The following TMEM131 variants were observed in gnomAD, a reference collection of about 807,000 sequenced individuals.
TMEM131 encodes 2610524E03Rik.
A neutral mutation model predicts 211.6 loss-of-function variants in TMEM131; 66 were observed. The ratio of observed to expected loss-of-function variants is 0.31; its 90% CI spans 0.26 to 0.38. The LOEUF (loss-of-function observed/expected upper bound fraction) is 0.38, where lower values mean the gene tolerates loss of function less well. Ranked by LOEUF, TMEM131 falls within the 10% of genes least tolerant of loss-of-function variation. The pLI is 1.00. For missense variants in TMEM131, 2,036 were observed against 2,299.3 expected (o/e 0.89, Z 2.34); for synonymous variants, 844 against 841.3 (o/e 1.00, Z -0.06).
chr2:97,760,815 C>A lies in TMEM131; in HGVS notation c.4989G>T (p.Thr1663=). ...KNGNPTFAAV[T]AGYDKSPGGN... ...GACCTGGGCTCTTGTCGTAGCCAGC[C>A]GTGACTGCAGCAAAAGTGGGGTTGC... Residue 1663 remains threonine (T), a synonymous_variant, in exon 37 of 41, where the codon ACG becomes ACT. Coordinates refer to ENST00000186436, the MANE Select transcript of TMEM131 (RefSeq NM_015348.2). 1 of 1,614,030 alleles carries A rather than the reference C, an allele frequency of 6.2e-7. No individual in the cohort carries two copies. The highest frequency in any genetic ancestry group is 1.7e-5 in the Admixed American group (1 of 60,026).
chr2:97,935,714 G>C (rs1333764574), intron 1 of TMEM131, among the ~76,000 whole-genome samples: 1 of 152,108 alleles, frequency 6.6e-6, no homozygotes, highest in Non-Finnish European at 1.5e-5. Flanking sequence ...AGGGACATTT[G>C]AAAATTCTAA....
Position 97,801,902 on chromosome 2 carries a change from C to T in TMEM131, c.2711G>A (p.Arg904Lys), listed in dbSNP as rs1184040760. The T allele has an allele frequency of 6.2e-7, 1 of 1,606,544 alleles. No individual in the cohort carries two copies. Among genetic ancestry groups the T allele is most frequent in the South Asian group, 1.1e-5 (1 of 89,898 alleles). Residue 904 changes from arginine (R) to lysine (K), a missense_variant, in exon 25 of 41, where the codon AGA (arginine) becomes AAA (lysine). Around this residue, in one of 3 missense-constraint regions of TMEM131, gnomAD observed 1,623 missense variants for 1,805.9 expected, o/e 0.90. Transcript: ENST00000186436. ...DLRTLEFQVF[R>K]NSAHPLQSST... ...TGAAGTTTGAATACTTACACTGTTT[C>T]TGAAGACTTGAAATTCTAGTGTTCT...
intron 4 of TMEM131, among the ~76,000 whole-genome samples, chr2:97,882,648 G>A (rs1052541575): frequency 1.1e-4 from 17 of 152,212 alleles, no homozygotes; most frequent in Non-Finnish European, 2.2e-4. Flanking sequence ...CCCTGGCCCT[G>A]TGGGCTTTGA....
intron 32 of TMEM131, among the ~76,000 whole-genome samples, chr2:97,774,159 G>C (rs1282774550): frequency 1.3e-5 from 2 of 152,236 alleles, no homozygotes; most frequent in Non-Finnish European, 2.9e-5. Flanking sequence ...CATATCGTTT[G>C]AAACTACTTT....
intron 3 of TMEM131, among the ~76,000 whole-genome samples, chr2:97,905,188 TTCA>T (rs1298895948): frequency 7.2e-5 from 11 of 152,218 alleles, no homozygotes; most frequent in Admixed American, 1.3e-4. Context: ...TGAAAATGTC[TTCA>T]TTTTTTTTGA....
chr2:97,810,164 T>C (rs929733091), intron 18 of TMEM131, among the ~76,000 whole-genome samples: 1 of 152,134 alleles, frequency 6.6e-6, no homozygotes, highest in Non-Finnish European at 1.5e-5. Context: ...AAATCCAGCA[T>C]ATCTAGAGTT....
chr2:97,852,526 AGGC>A (rs1371075953), intron 5 of TMEM131, among the ~76,000 whole-genome samples: 4 of 152,226 alleles, frequency 2.6e-5, no homozygotes, highest in Non-Finnish European at 1.5e-5. Context: ...AATTCTGTGA[AGGC>A]TGAGAGAGGG....
Position 97,850,399 on chromosome 2 carries a change from G to T in TMEM131, c.484-6138C>A, listed in dbSNP as rs973252000. Among the ~76,000 whole-genome samples, 6 of 152,018 alleles carry T rather than the reference G, an allele frequency of 3.9e-5. No individual in the cohort carries two copies. The East Asian group carries it at 1.2e-3, about 29-fold the overall frequency. ...TGCGCTATATATCAGTACTCATAGA[G>T]GTGTGTGGTCTGAATACATACCAGT... On this transcript the variant is annotated intron_variant, in intron 5 of 40. Coordinates refer to ENST00000186436, the MANE Select transcript of TMEM131 (RefSeq NM_015348.2).
chr2:97,782,400 A>G (rs1175925833), intron 31 of TMEM131, among the ~76,000 whole-genome samples: 1 of 152,242 alleles, frequency 6.6e-6, no homozygotes, highest in Non-Finnish European at 1.5e-5. Context: ...GGTTTAGGTA[A>G]GATCCAGTCT....
chr2:97,904,367 G>A (rs1044177922), intron 3 of TMEM131, among the ~76,000 whole-genome samples: 1 of 151,950 alleles, frequency 6.6e-6, no homozygotes, highest in Non-Finnish European at 1.5e-5. Context: ...GGTAGCTATG[G>A]GGAGGGAAGG....
rs1679157922 is a variant in TMEM131, at chr2:97,766,219, A to T, written c.4618T>A (p.Phe1540Ile). Residue 1540 changes from phenylalanine (F) to isoleucine (I), a missense_variant, in exon 35 of 41, where the codon TTC becomes ATC. Around this residue, in one of 3 missense-constraint regions of TMEM131, gnomAD observed 1,623 missense variants for 1,805.9 expected, o/e 0.90. Coordinates refer to ENST00000186436, the MANE Select transcript of TMEM131 (RefSeq NM_015348.2). ...CCTAATTCTTGACTATTCGGGAGGA[A>T]TTTTGCTAGGGCAGGTGGTCTGTTA... Reference protein sequence around the residue: ...VDNRPPALAKFLPNSQELGNT... With the variant: ...VDNRPPALAKILPNSQELGNT... The T allele has an allele frequency of 1.2e-6, 2 of 1,614,002 alleles. No individual in the cohort carries two copies. Among genetic ancestry groups the T allele is most frequent in the African/African-American group, 1.3e-5 (1 of 75,052 alleles).
intron 1 of TMEM131, among the ~76,000 whole-genome samples, chr2:97,984,767 G>A (rs1009615256): frequency 1.3e-5 from 2 of 151,170 alleles, no homozygotes; most frequent in Non-Finnish European, 2.9e-5. Context: ...ACTCATGAGG[G>A]ATCATATCGA....
intron 1 of TMEM131, among the ~76,000 whole-genome samples, chr2:97,963,867 T>C (rs1423099530): frequency 2.0e-5 from 3 of 152,260 alleles, no homozygotes; most frequent in South Asian, 2.1e-4. Flanking sequence ...TTTTCTTCTA[T>C]GCAAATGCAT....
rs937182596 is a variant in TMEM131 at position 97,913,826 on chromosome 2, G to A, written c.250-5128C>T. Among the ~76,000 whole-genome samples the A allele has an allele frequency of 8.7e-4, 133 of 152,114 alleles. 3 individuals carry two copies. Among genetic ancestry groups the A allele is most frequent in the Non-Finnish European group, 2.4e-4 (16 of 68,020 alleles). Reference sequence around the variant, plus strand: ...GGCAGCACATGCACACAAACCCGTGGTACCAGGAAGCCACACCAGGCGCCA... The same window carrying A: ...GGCAGCACATGCACACAAACCCGTGATACCAGGAAGCCACACCAGGCGCCA... On this transcript the variant is annotated intron_variant, in intron 2 of 40. Coordinates refer to ENST00000186436, the MANE Select transcript of TMEM131 (RefSeq NM_015348.2).
chr2:97,933,130 A>T (rs974348943), intron 1 of TMEM131, among the ~76,000 whole-genome samples: 11 of 152,164 alleles, frequency 7.2e-5, no homozygotes, highest in Non-Finnish European at 1.5e-4. Context: ...GGTACACTCT[A>T]TGTTAGCACA....
At chr2:97,919,720 G>A (rs951025113) in intron 2 of TMEM131, among the ~76,000 whole-genome samples, 1 of 152,102 alleles carries the variant, frequency 6.6e-6, no homozygotes, top group Non-Finnish European at 1.5e-5. Flanking sequence ...ACAGGCATGT[G>A]CCACCATGCC....
At position 97,757,075 on chromosome 2, in the gene TMEM131, ATGTT is replaced by A. The variant is rs761627310; in HGVS notation, c.*20_*23del. The A allele has an allele frequency of 2.2e-5, 34 of 1,560,734 alleles. No homozygotes were observed. The highest frequency in any genetic ancestry group is 1.8e-4 in the South Asian group (15 of 82,738). The stretch of plus-strand genomic sequence containing the variant: ...ATCATGATCTAGACGAGGGCCCACT[ATGTT>A]TGTTTGTTTTTTGCTTAATTTAATT... On this transcript the variant is annotated 3_prime_UTR_variant, in exon 41 of 41. Coordinates refer to ENST00000186436, the MANE Select transcript of TMEM131 (RefSeq NM_015348.2).
chr2:97,793,413 CCAA>C lies in TMEM131; in HGVS notation c.3524_3526del (p.Val1175del). On this transcript the variant is annotated inframe_deletion, in exon 30 of 41. Coordinates refer to ENST00000186436, the MANE Select transcript of TMEM131 (RefSeq NM_015348.2). ...AACATACTTTCCTTCAGATGAAATA[CCAA>C]CGATTCTCCTGAGATCAAATGGCCT... The C allele has an allele frequency of 6.2e-7, 1 of 1,613,372 alleles. No individual in the cohort carries two copies. The highest frequency in any genetic ancestry group is 8.5e-7 in the Non-Finnish European group (1 of 1,179,514).
At chr2:97,938,814 T>G (rs1254978741) in intron 1 of TMEM131, among the ~76,000 whole-genome samples, 1 of 152,120 alleles carries the variant, frequency 6.6e-6, no homozygotes, top group Non-Finnish European at 1.5e-5. Context: ...AGAATAGAAA[T>G]TATAACAAAC....
Sources: gnomAD v4.1 joint callset for allele counts (sites outside exome capture counted in the v4.1 genomes callset) on GRCh38, gnomAD v4.1.1 for gene constraint, gnomAD v4.1.1 regional missense constraint, MANE v1.5 for transcripts, NCBI Gene and HGNC (gene_info 2026-07-23, HGNC 2026-07-21) for gene names.